ANKRD44: variants seen among roughly 807,000 people sequenced by gnomAD.
ANKRD44 encodes the protein ankyrin repeat domain 44.
ANKRD44 carries 35 observed loss-of-function variants against 116.0 expected under a neutral mutation model. That is an observed-to-expected ratio of 0.30 (90% confidence interval 0.23 to 0.40). ANKRD44 has a LOEUF of 0.40. ANKRD44 is among the 10% of genes least tolerant of loss of function. The probability of loss-of-function intolerance (pLI) is 1.00; values close to 1 mark genes in which losing one functional copy is unlikely to be tolerated. For missense variants in ANKRD44, 1,014 were observed against 1,242.6 expected (o/e 0.82, Z 2.77); for synonymous variants, 435 against 461.8 (o/e 0.94, Z 0.74).
At chr2:196,989,702 C>G in intron 27 of ANKRD44, 53 bp from the exon 28 acceptor site, 1 of 1,546,136 alleles carries the variant, frequency 6.5e-7, no homozygotes, top group Non-Finnish European at 8.7e-7. Flanking sequence ...CATCATCAAG[C>G]AACTGGCAAT....
intron 1 of ANKRD44, among the ~76,000 whole-genome samples, chr2:197,230,493 A>G (rs917302090): frequency 2.0e-5 from 3 of 152,170 alleles, no homozygotes; most frequent in African/African-American, 4.8e-5. Context: ...TAATTCTATC[A>G]CAGGAACTGC....
Position 197,308,169 on chromosome 2 carries a change from ACAC to A in ANKRD44, c.27+2406_27+2408del, listed in dbSNP as rs748158473. Among the ~76,000 whole-genome samples the A allele has an allele frequency of 8.6e-4, 124 of 144,112 alleles. 2 individuals are homozygous for A. The East Asian group carries it at 0.013, about 15-fold the overall frequency. 94.5% of individuals were successfully genotyped at this position (144,112 alleles called of 152,430 possible). A position where few individuals can be genotyped will look rare whatever the true frequency, so the allele number is the denominator to read the frequency against. On this transcript the variant is annotated intron_variant, in intron 1 of 27. Transcript: ENST00000282272. ...GAGACCCTGACACACACACACACAC[ACAC>A]AAAAAAAAAAAAGGAGGGAGAAATT...
intron 2 of ANKRD44, among the ~76,000 whole-genome samples, chr2:197,177,445 G>A (rs1323612709): frequency 6.6e-6 from 1 of 152,138 alleles, no homozygotes; most frequent in Non-Finnish European, 1.5e-5. Flanking sequence ...CATTATGCTT[G>A]TCACCGTGAG....
chr2:197,275,391 A>C (rs933636977), intron 1 of ANKRD44, among the ~76,000 whole-genome samples: 1 of 148,762 alleles, frequency 6.7e-6, no homozygotes, highest in Non-Finnish European at 1.5e-5. Context: ...CTGCGATTAC[A>C]GGCATAAGCC....
rs751962730 is a variant in ANKRD44 at position 196,998,351 on chromosome 2, A to C, written c.2734T>G (p.Leu912Val). The C allele has an allele frequency of 1.1e-5, 17 of 1,612,784 alleles. No homozygotes were observed. In the East Asian group the frequency reaches 3.6e-4, roughly 34 times the overall value. ...KDKDLNTPLH[L>V]ACSKGHEKCA... ...CATTTACATACTTTACTACAAGCCA[A>C]ATGTAAGGGTGTATTCAAGTCCTTA... Residue 912 changes from leucine to valine, a missense_variant, in exon 25 of 28, where the codon TTG becomes GTG. Physicochemically the swap from Leu to Val is conservative, Grantham distance 32 (BLOSUM62 1). Coordinates refer to ENST00000282272, the MANE Select transcript of ANKRD44 (RefSeq NM_001195144.2).
At chr2:197,283,471 C>T (rs1189246659) in intron 1 of ANKRD44, among the ~76,000 whole-genome samples, 1 of 152,128 alleles carries the variant, frequency 6.6e-6, no homozygotes, top group Non-Finnish European at 1.5e-5. Flanking sequence ...CCATATAAAG[C>T]AATTCCATAA....
At chr2:197,114,933 T>TC (rs2078672985) in intron 8 of ANKRD44, among the ~76,000 whole-genome samples, 4 of 152,218 alleles carry the variant, frequency 2.6e-5, no homozygotes, top group African/African-American at 9.6e-5. Flanking sequence ...GGCTCACTCA[T>TC]TCCTCTCCTT....
chr2:197,149,183 G>C (rs2079578124), intron 2 of ANKRD44, among the ~76,000 whole-genome samples: 1 of 152,162 alleles, frequency 6.6e-6, no homozygotes, highest in African/African-American at 2.4e-5. Flanking sequence ...ATTGGTTTCA[G>C]GGTTTGGTTC....
intron 1 of ANKRD44, among the ~76,000 whole-genome samples, chr2:197,294,287 G>A (rs1300304177): frequency 6.6e-6 from 1 of 152,094 alleles, no homozygotes; most frequent in Non-Finnish European, 1.5e-5. Context: ...ATAGAGAAAA[G>A]GAGGTCAGTC....
Position 197,000,494 on chromosome 2 carries a change from T to G in ANKRD44, c.2444A>C (p.Asp815Ala). 6.2e-7 allele frequency: 1 copy of G among 1,613,914 alleles called. No homozygotes were observed. Among genetic ancestry groups the G allele is most frequent in the Non-Finnish European group, 8.5e-7 (1 of 1,179,802 alleles). ...CAGCAATGATGCACAATTCCCATGA[T>G]CATTGATTCTAAAATGAAAATGGGT... Reference protein sequence around the residue: ...FTPLHCAIINDHGNCASLLLG... With the variant: ...FTPLHCAIINAHGNCASLLLG... Residue 815 changes from aspartate to alanine, a missense_variant, in exon 23 of 28, where the codon GAT becomes GCT. Coordinates refer to ENST00000282272, the MANE Select transcript of ANKRD44 (RefSeq NM_001195144.2).
At chr2:197,187,202 T>C in intron 1 of ANKRD44, 96 bp from the exon 2 acceptor site, 1 of 1,246,438 alleles carries the variant, frequency 8.0e-7, no homozygotes, top group Non-Finnish European at 1.2e-6. Flanking sequence ...TAAAAGTTTA[T>C]TGAACCATTA....
intron 16 of ANKRD44, among the ~76,000 whole-genome samples, chr2:197,063,416 G>A (rs1447265687): frequency 2.6e-5 from 4 of 152,212 alleles, no homozygotes; most frequent in East Asian, 3.8e-4. Context: ...CCAAAGGAAC[G>A]CAGCTCCTCG....
intron 10 of ANKRD44, among the ~76,000 whole-genome samples, chr2:197,098,377 T>G (rs2078211993): frequency 6.6e-6 from 1 of 152,232 alleles, no homozygotes; most frequent in African/African-American, 2.4e-5. Flanking sequence ...GATTTCATGA[T>G]CCCACTGCGT....
At position 197,090,138 on chromosome 2, in the gene ANKRD44, G is replaced by C. The variant is rs1366852077; in HGVS notation, c.1101-106C>G. 3 of 807,222 alleles carry C rather than the reference G, an allele frequency of 3.7e-6. No homozygotes were observed. In the East Asian group the frequency reaches 7.9e-5, roughly 21 times the overall value. The allele number at this position is 807,222 out of a possible 1,614,324, so 50.0% of individuals were successfully genotyped here. A position where few individuals can be genotyped will look rare whatever the true frequency, so the allele number is the denominator to read the frequency against. On this transcript the variant is annotated intron_variant, in intron 10 of 27. Transcript: ENST00000282272. The stretch of plus-strand genomic sequence containing the variant: ...CTGATGAAAATTAACAACACCTTGT[G>C]TAGGGAGTCTTGGCTGAAATAATTT...
At chr2:197,035,831 C>T (rs1415840554) in intron 16 of ANKRD44, among the ~76,000 whole-genome samples, 2 of 152,016 alleles carry the variant, frequency 1.3e-5, no homozygotes, top group East Asian at 3.9e-4. Context: ...CCAGACCACC[C>T]AGGCCGTGTC....
At chr2:197,081,755 T>A (rs1440479609) in intron 14 of ANKRD44, 30 bp from the exon 15 acceptor site, 21 of 1,545,726 alleles carry the variant, frequency 1.4e-5, no homozygotes, top group Admixed American at 1.8e-5. Context: ...GAAAAAAAAA[T>A]TGCAATTAAT....
At chr2:197,217,443 C>T (rs1038334710) in intron 1 of ANKRD44, among the ~76,000 whole-genome samples, 6 of 152,122 alleles carry the variant, frequency 3.9e-5, no homozygotes, top group African/African-American at 1.4e-4. Flanking sequence ...ATCCTCATAG[C>T]CCACCAAAAT....
At chr2:197,160,081 C>T (rs1331849467) in intron 2 of ANKRD44, among the ~76,000 whole-genome samples, 6 of 152,154 alleles carry the variant, frequency 3.9e-5, no homozygotes, top group African/African-American at 1.4e-4. Flanking sequence ...CACGCACACA[C>T]ATACGCATGC....
chr2:197,180,900 C>T (rs1204572102), intron 2 of ANKRD44, among the ~76,000 whole-genome samples: 1 of 152,138 alleles, frequency 6.6e-6, no homozygotes, highest in Non-Finnish European at 1.5e-5. Flanking sequence ...ATACATATTA[C>T]AAGCTTGCTA....
Sources: allele counts gnomAD v4.1 joint callset (sites outside exome capture counted in the v4.1 genomes callset), GRCh38; gene constraint gnomAD v4.1.1; transcripts MANE v1.5; gene names NCBI Gene and HGNC (gene_info 2026-07-23, HGNC 2026-07-21).